METTL9: variants seen among roughly 807,000 people sequenced by gnomAD.
METTL9 encodes the protein methyltransferase 9, His-X-His N1(pi)-histidine.
In METTL9, 10 loss-of-function variants were observed where a neutral mutation model predicts 36.0. The observed-to-expected ratio is 0.28, with a 90% CI of 0.17 to 0.47. The LOEUF (loss-of-function observed/expected upper bound fraction) is 0.47, where lower values mean the gene tolerates loss of function less well. METTL9 is among the 20% of genes least tolerant of loss of function. The pLI, the probability that METTL9 is intolerant of heterozygous loss-of-function variation, is 0.99. For missense variants in METTL9, 246 were observed against 383.5 expected, an observed-to-expected ratio of 0.64 and a Z score of 3.00; for synonymous variants, 175 against 149.7, an observed-to-expected ratio of 1.17 and a Z score of -1.23.
intron 4 of METTL9, 136 bp downstream of exon 4, chr16:21,625,251 A>T (rs1965792572): frequency 3.4e-5 from 32 of 933,476 alleles, no homozygotes; most frequent in Non-Finnish European, 5.3e-5. Context: ...CAGTTAATCC[A>T]TGTAAAACAC....
chr16:21,651,851 A>T (rs145442750), intron 4 of METTL9: 2 of 152,074 alleles, frequency 1.3e-5, no homozygotes, highest in African/African-American at 4.8e-5. Flanking sequence ...AGTAATATAT[A>T]CTTATTAGCA....
At chr16:21,645,842 A>C (rs898340356) in intron 4 of METTL9, among the ~76,000 whole-genome samples, 1 of 152,260 alleles carries the variant, frequency 6.6e-6, no homozygotes, top group Non-Finnish European at 1.5e-5. Flanking sequence ...ACTATTAAAA[A>C]TGCTTTAAGT....
intron 3 of METTL9, 79 bp downstream of exon 3, chr16:21,618,153 A>G: frequency 9.3e-7 from 1 of 1,078,854 alleles, no homozygotes; most frequent in Non-Finnish European, 1.3e-6. Context: ...ATGATCTTCC[A>G]TGATTAGAAA....
Position 21,633,144 on chromosome 16 carries a change from G to A in METTL9, c.751+8029G>A, listed in dbSNP as rs928357824. On this transcript the variant is annotated intron_variant, in intron 4 of 4. Transcript: ENST00000358154. ...AACTGTTTTAATGTCTTAGGGCAAG[G>A]ATAAGCCAGTATAGGCTGTATTTGT... 2.6e-5 allele frequency among the ~76,000 whole-genome samples: 4 copies of A among 152,110 alleles called. No individual in the cohort carries two copies. The East Asian group carries it at 7.7e-4, about 29-fold the overall frequency.
intron 4 of METTL9, among the ~76,000 whole-genome samples, chr16:21,650,545 G>A (rs1023268430): frequency 4.6e-5 from 7 of 151,578 alleles, no homozygotes; most frequent in African/African-American, 1.5e-4. Context: ...TTGGGGTGGC[G>A]GGGATAGCTG....
chr16:21,621,963 C>T (rs1324550579), intron 3 of METTL9, among the ~76,000 whole-genome samples: 1 of 150,928 alleles, frequency 6.6e-6, no homozygotes, highest in Non-Finnish European at 1.5e-5. Flanking sequence ...CCGCCTCAGC[C>T]TCCCGAGTAG....
chr16:21,641,299 AT>A (rs1966260691), intron 4 of METTL9: 5 of 341,842 alleles, frequency 1.5e-5, no homozygotes, highest in South Asian at 5.6e-5. Context: ...TTAAAATAGA[AT>A]TTTTTTTCTT....
chr16:21,641,309 T>C (rs551517278), intron 4 of METTL9: 45 of 359,938 alleles, frequency 1.3e-4, no homozygotes, highest in African/African-American at 9.3e-4. Flanking sequence ...ATTTTTTTTC[T>C]TGGCAAATTT....
At chr16:21,636,508 C>A (rs1966096173) in intron 4 of METTL9, among the ~76,000 whole-genome samples, 1 of 152,142 alleles carries the variant, frequency 6.6e-6, no homozygotes, top group South Asian at 2.1e-4. Context: ...GCGTTAGGAC[C>A]CAGGAGGCAA....
intron 3 of METTL9, among the ~76,000 whole-genome samples, chr16:21,622,568 T>C (rs1965731121): frequency 6.6e-6 from 1 of 152,202 alleles, no homozygotes. Context: ...AAAAGGAAAA[T>C]TCTGACAACT....
rs745511100 is a variant in METTL9 at position 21,655,249 on chromosome 16, A to C, written c.774A>C (p.Pro258=). ...TAGTAGGTGGCAAGTGGGAGAAACCATCAGAAATTTTGGAAATCAAAGGAC... is the reference window on the plus strand; with the variant it reads ...TAGTAGGTGGCAAGTGGGAGAAACCCTCAGAAATTTTGGAAATCAAAGGAC... The part of the protein sequence containing the change: ...VENVGGKWEK[P]SEILEIKGQN... Residue 258 remains proline (P), a synonymous_variant, in exon 5 of 5, where the codon CCA becomes CCC. Coordinates refer to ENST00000358154, the MANE Select transcript of METTL9 (RefSeq NM_016025.5). The C allele has an allele frequency of 6.2e-7, 1 of 1,614,200 alleles. No individual in the cohort carries two copies. The highest frequency in any genetic ancestry group is 1.1e-5 in the South Asian group (1 of 91,086).
At chr16:21,644,325 T>G in intron 4 of METTL9, 1 of 1,613,906 alleles carries the variant, frequency 6.2e-7, no homozygotes, top group Non-Finnish European at 8.5e-7. Context: ...CACACACCGG[T>G]CACATAGACA....
At chr16:21,639,923 T>TA (rs1966203447) in intron 4 of METTL9, 1 of 151,406 alleles carries the variant, frequency 6.6e-6, no homozygotes, top group Admixed American at 6.6e-5. Context: ...AGAAACACTT[T>TA]ATTTTATTTA....
In METTL9 at chr16:21,607,017, C is replaced by T. The variant is rs762349802; in HGVS notation, c.166-5628C>T. 1.3e-4 allele frequency among the ~76,000 whole-genome samples: 19 copies of T among 151,806 alleles called. No homozygotes were observed. In the East Asian group the frequency reaches 1.3e-3, roughly 11 times the overall value. On this transcript the variant is annotated intron_variant, in intron 1 of 4. Transcript: ENST00000358154. The stretch of plus-strand genomic sequence containing the variant: ...AGGAAAATTGCATTCCTACTTTGAA[C>T]GAGTGATTCATCAACCAAGGTTATA...
At chr16:21,643,486 A>C in intron 4 of METTL9, 1 of 1,058,974 alleles carries the variant, frequency 9.4e-7, no homozygotes, top group East Asian at 2.4e-5. Context: ...AAAATATTTC[A>C]GTTTTGAAAT....
rs572964105 is a variant in METTL9 at position 21,648,716 on chromosome 16, G to C, written c.752-6511G>C. 1.7e-3 allele frequency among the ~76,000 whole-genome samples: 254 copies of C among 152,328 alleles called. 3 individuals are homozygous for C. Among genetic ancestry groups the C allele is most frequent in the Non-Finnish European group, 2.7e-3 (184 of 68,020 alleles). ...GGCAGGGGAGGCCATAGGTAAAATA[G>C]TATTGGTTGAGACAAATTGGAATTT... is the stretch of plus-strand genomic sequence containing the variant. On this transcript the variant is annotated intron_variant, in intron 4 of 4. Transcript: ENST00000358154.
chr16:21,633,761 C>T (rs1455005270), intron 4 of METTL9, among the ~76,000 whole-genome samples: 2 of 152,200 alleles, frequency 1.3e-5, no homozygotes, highest in Admixed American at 1.3e-4. Flanking sequence ...CATTTCCATA[C>T]TAAGCCTTGA....
chr16:21,612,915 G>T (rs1030081405), intron 2 of METTL9, 80 bp downstream of exon 2: 2 of 1,266,182 alleles, frequency 1.6e-6, no homozygotes, highest in Admixed American at 5.7e-5. Flanking sequence ...AAGTTATCTT[G>T]TTCAGCATGT....
chr16:21,656,055 A>C lies in METTL9; in HGVS notation c.*623A>C, dbSNP rs1966701886. ...ACGCAGACAATTTGAATAGGGGGGAAGGAAGGCTTCAGACTTGGGGGAAGG... is the reference window on the plus strand; with the variant it reads ...ACGCAGACAATTTGAATAGGGGGGACGGAAGGCTTCAGACTTGGGGGAAGG... On this transcript the variant is annotated 3_prime_UTR_variant, in exon 5 of 5. Coordinates refer to ENST00000358154, the MANE Select transcript of METTL9 (RefSeq NM_016025.5). 1 of 151,612 alleles carries C rather than the reference A, an allele frequency of 6.6e-6. No homozygotes were observed. Among genetic ancestry groups the C allele is most frequent in the Non-Finnish European group, 1.5e-5 (1 of 67,944 alleles). 9.4% of individuals were successfully genotyped at this position (151,612 alleles called of 1,614,324 possible).
Sources: gnomAD v4.1 joint callset for allele counts (sites outside exome capture counted in the v4.1 genomes callset) on GRCh38, gnomAD v4.1.1 for gene constraint, MANE v1.5 for transcripts, NCBI Gene and HGNC (gene_info 2026-07-23, HGNC 2026-07-21) for gene names.